Variants in MAPK14 observed in about 807,000 individuals in gnomAD.
MAPK14 encodes the protein mitogen-activated protein kinase 14.
Under a neutral mutation model 49.6 loss-of-function variants are expected in MAPK14, and 16 were observed. The observed-to-expected ratio is 0.32, with a 90% CI of 0.22 to 0.49. The LOEUF (loss-of-function observed/expected upper bound fraction) is 0.49, where lower values mean the gene tolerates loss of function less well. Ranked by LOEUF, MAPK14 falls within the 20% of genes least tolerant of loss-of-function variation. MAPK14 has a pLI of 0.99. For missense variants in MAPK14, 200 were observed against 441.2 expected, an observed-to-expected ratio of 0.45 and a Z score of 4.90; for synonymous variants, 142 against 158.0, an observed-to-expected ratio of 0.90 and a Z score of 0.76.
At chr6:36,086,096 CT>C (rs1369271221) in intron 8 of MAPK14, among the ~76,000 whole-genome samples, 1 of 152,152 alleles carries the variant, frequency 6.6e-6, no homozygotes, top group Admixed American at 6.5e-5. Context: ...ATCAGAAGTT[CT>C]TTGAAACCAA....
intron 8 of MAPK14, among the ~76,000 whole-genome samples, chr6:36,084,017 T>C (rs1764874235): frequency 6.6e-6 from 1 of 152,198 alleles, no homozygotes; most frequent in South Asian, 2.1e-4. Flanking sequence ...TTTGCTGTTC[T>C]GCAGTCTCCA....
chr6:36,100,087 T>C (rs937062580), intron 9 of MAPK14: 1 of 788,964 alleles, frequency 1.3e-6, no homozygotes, highest in Admixed American at 1.8e-5. Context: ...GGTAGGTTTT[T>C]TTGTCTGTTT....
At position 36,028,791 on chromosome 6, in the gene MAPK14, C is replaced by CTT. The variant is rs111234964; in HGVS notation, c.116+538_116+539dup. ...ACCAGGAAGGGAGCTCTCTCCGGGC[C>CTT]TTTTTTTTTTTTTTTTTTTTTCAAA... On this transcript the variant is annotated intron_variant, in intron 1 of 11. Transcript: ENST00000229794. The surrounding 1 kb of genome is among the most constrained non-coding windows in gnomAD (Gnocchi z 5.1). Among the ~76,000 whole-genome samples the CTT allele has an allele frequency of 5.3e-3, 527 of 100,334 alleles. 4 individuals carry two copies. The highest frequency in any genetic ancestry group is 0.033 in the East Asian group (94 of 2,882). The allele number at this position is 100,334 out of a possible 152,430, so 65.8% of individuals were successfully genotyped here. A position where few individuals can be genotyped will look rare whatever the true frequency, so the allele number is the denominator to read the frequency against.
intron 1 of MAPK14, among the ~76,000 whole-genome samples, chr6:36,050,232 CAGAG>C (rs1297243370): frequency 6.6e-6 from 1 of 151,826 alleles, no homozygotes; most frequent in African/African-American, 2.4e-5. Flanking sequence ...GACAGACAGA[CAGAG>C]AGAGAGAAGT....
rs1422419262 is a variant in MAPK14 at position 36,110,412 on chromosome 6, C to T, written c.*1965C>T. ...TTGCAGTTCAAATCCTCACCATCCA[C>T]AGCAAGATGAATTTTATCAGCCATG... On this transcript the variant is annotated 3_prime_UTR_variant, in exon 12 of 12. Transcript: ENST00000229794. The T allele has an allele frequency of 6.5e-6, 1 of 152,684 alleles. No individual in the cohort carries two copies. Among genetic ancestry groups the T allele is most frequent in the Non-Finnish European group, 1.5e-5 (1 of 68,048 alleles). The allele number at this position is 152,684 out of a possible 1,614,324, so 9.5% of individuals were successfully genotyped here.
intron 8 of MAPK14, among the ~76,000 whole-genome samples, chr6:36,081,316 G>A (rs1764751398): frequency 6.6e-6 from 1 of 151,900 alleles, no homozygotes; most frequent in African/African-American, 2.4e-5. Flanking sequence ...AATATAATAG[G>A]GTTTAGCTCT....
intron 3 of MAPK14, among the ~76,000 whole-genome samples, chr6:36,072,164 A>G (rs1275516753): frequency 6.6e-6 from 1 of 152,072 alleles, no homozygotes; most frequent in Non-Finnish European, 1.5e-5. Flanking sequence ...GTGAGACCCC[A>G]TCTCTACAGG....
chr6:36,108,520 T>C lies in MAPK14; in HGVS notation c.*73T>C, dbSNP rs937577817. ...CCTTTTCACGGGAACTCTCCAAATA[T>C]TATTCAAGTGCCTCTTGTTGCAGAG... On this transcript the variant is annotated 3_prime_UTR_variant, in exon 12 of 12. Transcript: ENST00000229794. 2.1e-5 allele frequency: 25 copies of C among 1,202,422 alleles called. No homozygotes were observed. The African/African-American group carries it at 2.2e-4, about 11-fold the overall frequency. 74.5% of individuals were successfully genotyped at this position (1,202,422 alleles called of 1,614,324 possible).
intron 8 of MAPK14, among the ~76,000 whole-genome samples, chr6:36,089,538 T>C (rs1765134005): frequency 6.6e-6 from 1 of 152,204 alleles, no homozygotes; most frequent in Non-Finnish European, 1.5e-5. Flanking sequence ...TCTCAGAACT[T>C]TAATTTAATT....
chr6:36,069,346 C>T (rs1227957900), intron 3 of MAPK14, among the ~76,000 whole-genome samples: 5 of 152,128 alleles, frequency 3.3e-5, no homozygotes, highest in African/African-American at 1.2e-4. Flanking sequence ...TTGCATGATG[C>T]TTGCTTTTGT....
chr6:36,073,937 T>A (rs960951842), intron 5 of MAPK14, 112 bp from the exon 6 acceptor site: 27 of 944,232 alleles, frequency 2.9e-5, no homozygotes, highest in Non-Finnish European at 4.2e-5. Context: ...GGAGATTGTC[T>A]TTTGATAGCT....
At chr6:36,124,036 GGA>G in the MAPK14 span, among the ~76,000 whole-genome samples, 1 of 152,062 alleles carries the variant, frequency 6.6e-6, no homozygotes, top group East Asian at 1.9e-4. Flanking sequence ...CTGAAGGAGG[GGA>G]GAGAGGAGGA....
chr6:36,031,813 A>G (rs537219468), intron 1 of MAPK14, among the ~76,000 whole-genome samples: 2 of 152,344 alleles, frequency 1.3e-5, no homozygotes, highest in Admixed American at 1.3e-4. Context: ...AAGATAAGGC[A>G]ATCAGGTTGG....
intron 8 of MAPK14, among the ~76,000 whole-genome samples, chr6:36,093,720 CAAAAAAAA>C (rs11343231): frequency 6.0e-5 from 5 of 83,140 alleles, no homozygotes; most frequent in East Asian, 3.9e-4. Flanking sequence ...GACTCCGTCT[CAAAAAAAA>C]AAAAAAAAAA....
At chr6:36,063,546 G>A (rs1263089653) in intron 3 of MAPK14, among the ~76,000 whole-genome samples, 2 of 152,144 alleles carry the variant, frequency 1.3e-5, no homozygotes, top group East Asian at 3.8e-4. Context: ...CCATGATTGC[G>A]CCACTGCATT....
intron 1 of MAPK14, among the ~76,000 whole-genome samples, chr6:36,037,277 A>G (rs1049995660): frequency 6.6e-6 from 1 of 152,158 alleles, no homozygotes; most frequent in Non-Finnish European, 1.5e-5. Flanking sequence ...TACAAAATTA[A>G]CCAGCTTTCC....
intron 1 of MAPK14, among the ~76,000 whole-genome samples, chr6:36,039,995 CAAA>C (rs535039133): frequency 6.1e-5 from 5 of 81,666 alleles, no homozygotes; most frequent in Non-Finnish European, 8.2e-5. Context: ...GACTCAGTCT[CAAA>C]AAAAAAAAAA....
intron 1 of MAPK14, among the ~76,000 whole-genome samples, chr6:36,035,512 G>C (rs1291238208): frequency 1.3e-4 from 20 of 152,012 alleles, no homozygotes; most frequent in Admixed American, 1.3e-3. Context: ...TCAAGTGAAA[G>C]GAATGTTTGC....
Position 36,069,673 on chromosome 6 carries a change from A to G in MAPK14, c.306-3200A>G, listed in dbSNP as rs970975205. Among the ~76,000 whole-genome samples, 5 of 152,132 alleles carry G rather than the reference A, an allele frequency of 3.3e-5. No individual in the cohort carries two copies. In the East Asian group the frequency reaches 9.6e-4, roughly 29 times the overall value. On this transcript the variant is annotated intron_variant, in intron 3 of 11. Coordinates refer to ENST00000229794, the MANE Select transcript of MAPK14 (RefSeq NM_139012.3). ...GGGGAAAGGATTTGAGAGAAATTAC[A>G]TAGTGGTAAACTGTTCTAATTAAAA... is the stretch of plus-strand genomic sequence containing the variant.
Sources: gnomAD v4.1 joint callset for allele counts (sites outside exome capture counted in the v4.1 genomes callset) on GRCh38, gnomAD v4.1.1 for gene constraint, Gnocchi (gnomAD v3.1) non-coding constraint, MANE v1.5 for transcripts, NCBI Gene and HGNC (gene_info 2026-07-23, HGNC 2026-07-21) for gene names.